ORC4: variants seen among roughly 807,000 people sequenced by gnomAD.
The protein encoded by ORC4 is origin recognition complex, subunit 4 homolog.
ORC4 carries 55 observed loss-of-function variants against 63.9 expected under a neutral mutation model. The ratio of observed to expected loss-of-function variants is 0.86; its 90% CI spans 0.69 to 1.08. The LOEUF (loss-of-function observed/expected upper bound fraction) is 1.08. ORC4 is among the 50% of genes least tolerant of loss of function. The pLI is 0.00. For missense variants in ORC4, 511 were observed against 504.4 expected (o/e 1.01, Z -0.13); for synonymous variants, 150 against 168.5 (o/e 0.89, Z 0.85).
chr2:147,943,346 T>C lies in ORC4; in HGVS notation c.849+90A>G, dbSNP rs565534823. 124 of 837,846 alleles carry C rather than the reference T, an allele frequency of 1.5e-4. No individual in the cohort carries two copies. In the African/African-American group the frequency reaches 1.8e-3, roughly 12 times the overall value. The allele number at this position is 837,846 out of a possible 1,614,324, so 51.9% of individuals were successfully genotyped here. A position where few individuals can be genotyped will look rare whatever the true frequency, so the allele number is the denominator to read the frequency against. On this transcript the variant is annotated intron_variant, in intron 10 of 13. Transcript: ENST00000392857. ...TGGGAGGATGGCTTAAGGCCAGGAG[T>C]TCGCAACCAGTCTGAGCAACAAAGT...
intron 13 of ORC4, chr2:147,937,880 A>C (rs984880551): frequency 3.4e-5 from 16 of 470,728 alleles, no homozygotes; most frequent in Non-Finnish European, 6.1e-5. Context: ...GGGAAAGGTT[A>C]TATCACACAC....
chr2:147,970,566 G>C (rs1372314941), intron 4 of ORC4, among the ~76,000 whole-genome samples: 1 of 146,742 alleles, frequency 6.8e-6, no homozygotes, highest in Non-Finnish European at 1.5e-5. Context: ...AGAAGCAAAG[G>C]CAATTCAATG....
intron 1 of ORC4, among the ~76,000 whole-genome samples, chr2:148,020,383 A>C (rs1308260865): frequency 6.6e-6 from 1 of 152,138 alleles, no homozygotes; most frequent in East Asian, 1.9e-4. Context: ...CCCGATGCAG[A>C]GGTAGACTCA....
chr2:147,998,166 G>C (rs1692083659), intron 1 of ORC4, among the ~76,000 whole-genome samples: 1 of 152,100 alleles, frequency 6.6e-6, no homozygotes, highest in Non-Finnish European at 1.5e-5. Flanking sequence ...AGATATTTTT[G>C]TAAACAATAC....
chr2:147,994,302 A>C lies in ORC4; in HGVS notation c.-17-18327T>G, dbSNP rs183712886. On this transcript the variant is annotated intron_variant, in intron 1 of 13. Coordinates refer to ENST00000392857, the MANE Select transcript of ORC4 (RefSeq NM_181741.4). Reference sequence around the variant, plus strand: ...CTTCCAACCTTGATCTATAAATTCAATGCAATCCCAATCAAAATTCTGGAT... The same window carrying C: ...CTTCCAACCTTGATCTATAAATTCACTGCAATCCCAATCAAAATTCTGGAT... Among the ~76,000 whole-genome samples the C allele has an allele frequency of 1.2e-4, 18 of 152,328 alleles. No individual in the cohort carries two copies. The East Asian group carries it at 3.3e-3, about 28-fold the overall frequency.
At chr2:147,990,786 T>C (rs1052133680) in intron 1 of ORC4, among the ~76,000 whole-genome samples, 1 of 152,242 alleles carries the variant, frequency 6.6e-6, no homozygotes, top group Non-Finnish European at 1.5e-5. Context: ...TGATAACCTT[T>C]AGTTAAGTAA....
At chr2:147,944,783 A>T (rs892122354) in intron 9 of ORC4, among the ~76,000 whole-genome samples, 7 of 151,938 alleles carry the variant, frequency 4.6e-5, no homozygotes, top group African/African-American at 1.7e-4. Context: ...CACTCTAAGA[A>T]GACCAGATTC....
chr2:147,979,982 GA>G (rs2105366849), intron 1 of ORC4, among the ~76,000 whole-genome samples: 1 of 152,184 alleles, frequency 6.6e-6, no homozygotes, highest in South Asian at 2.1e-4. Flanking sequence ...AACACAGGGG[GA>G]AAGCTTTTTG....
chr2:148,017,046 T>C (rs1489403240), intron 1 of ORC4, among the ~76,000 whole-genome samples: 1 of 152,072 alleles, frequency 6.6e-6, no homozygotes, highest in Non-Finnish European at 1.5e-5. Flanking sequence ...TTCTACTGAG[T>C]GTGCTAAAGT....
rs559260183 is a variant in ORC4, at chr2:147,934,357, G to T, written c.*1153C>A. ...AAATATATGCCTCTGTTAATTCATG[G>T]ATCTTGGAACTTACTTAAAAGACAA... On this transcript the variant is annotated 3_prime_UTR_variant, in exon 14 of 14. Transcript: ENST00000392857. The T allele has an allele frequency of 1.3e-5, 2 of 152,210 alleles. No individual in the cohort carries two copies. Among genetic ancestry groups the T allele is most frequent in the East Asian group, 3.9e-4 (2 of 5,186 alleles). The allele number at this position is 152,210 out of a possible 1,614,324, so 9.4% of individuals were successfully genotyped here. A position where few individuals can be genotyped will look rare whatever the true frequency, so the allele number is the denominator to read the frequency against.
intron 1 of ORC4, among the ~76,000 whole-genome samples, chr2:147,979,905 A>G (rs1690773012): frequency 6.6e-6 from 1 of 152,162 alleles, no homozygotes; most frequent in African/African-American, 2.4e-5. Context: ...CTTATTGCAC[A>G]CCATATACAA....
Position 147,983,554 on chromosome 2 carries a change from G to C in ORC4, c.-17-7579C>G, listed in dbSNP as rs544380822. ...ATCAGGGGGTCATAGGGACCTTTAAGGTTCATTACACACAGAACTCTATGG... is the reference window on the plus strand; with the variant it reads ...ATCAGGGGGTCATAGGGACCTTTAACGTTCATTACACACAGAACTCTATGG... On this transcript the variant is annotated intron_variant, in intron 1 of 13. Transcript: ENST00000392857. 2.0e-5 allele frequency among the ~76,000 whole-genome samples: 3 copies of C among 152,262 alleles called. No homozygotes were observed. In the South Asian group the frequency reaches 6.2e-4, roughly 31 times the overall value.
chr2:147,996,256 A>G (rs1691966295), intron 1 of ORC4, among the ~76,000 whole-genome samples: 1 of 152,178 alleles, frequency 6.6e-6, no homozygotes, highest in African/African-American at 2.4e-5. Context: ...GTGAGCCAAG[A>G]TTGTGCCACT....
At chr2:148,005,656 C>CAAAAAAAAAAAAAAAAA (rs55869341) in intron 1 of ORC4, among the ~76,000 whole-genome samples, 3 of 51,486 alleles carry the variant, frequency 5.8e-5, no homozygotes, top group Non-Finnish European at 1.0e-4. Flanking sequence ...ACTATCCATG[C>CAAAAAAAAAAAAAAAAA]AAAAAAAAAA....
intron 1 of ORC4, among the ~76,000 whole-genome samples, chr2:148,018,825 T>C (rs141950519): frequency 1.3e-5 from 2 of 152,248 alleles, no homozygotes; most frequent in African/African-American, 4.8e-5. Context: ...TGTTAACCAC[T>C]GAAAAGAATT....
intron 1 of ORC4, among the ~76,000 whole-genome samples, chr2:148,013,542 T>C (rs1478591728): frequency 6.6e-6 from 1 of 152,136 alleles, no homozygotes; most frequent in Admixed American, 6.5e-5. Context: ...TAACAATAAT[T>C]TAGTGTATGT....
intron 1 of ORC4, among the ~76,000 whole-genome samples, chr2:147,976,291 A>G (rs543080907): frequency 6.6e-6 from 1 of 152,014 alleles, no homozygotes; most frequent in Non-Finnish European, 1.5e-5. Context: ...CCATGTCCCC[A>G]TTTTGTGTCT....
chr2:148,021,528 C>T (rs1280696264), upstream of ORC4: 3 of 566,906 alleles, frequency 5.3e-6, no homozygotes, highest in Admixed American at 4.4e-5. Flanking sequence ...TGCTGCTTGG[C>T]CCTGGCTGGA....
chr2:147,938,169 A>C lies in ORC4; in HGVS notation c.1099T>G (p.Phe367Val). The C allele has an allele frequency of 1.9e-6, 3 of 1,612,614 alleles. No homozygotes were observed. The highest frequency in any genetic ancestry group is 2.5e-6 in the Non-Finnish European group (3 of 1,178,990). The part of the protein sequence containing the change: ...VQRKAHSVYN[F>V]EKPVVMKAFE... ...ACCTTCATGACAACAGGTTTTTCAA[A>C]ATTATAAACGGAATGTGCTTTCCTT... The change falls in exon 13 of 14, where the codon TTT becomes GTT. Residue 367 changes from phenylalanine (F) to valine (V), a missense_variant. Coordinates refer to ENST00000392857, the MANE Select transcript of ORC4 (RefSeq NM_181741.4).
Sources: gnomAD v4.1 joint callset for allele counts (sites outside exome capture counted in the v4.1 genomes callset) on GRCh38, gnomAD v4.1.1 for gene constraint, MANE v1.5 for transcripts, NCBI Gene and HGNC (gene_info 2026-07-23, HGNC 2026-07-21) for gene names.